Variants in BRINP2 observed in about 807,000 individuals in gnomAD.
BRINP2 encodes BMP/retinoic acid inducible neural specific 2.
A neutral mutation model predicts 69.2 loss-of-function variants in BRINP2; 21 were observed. The ratio of observed to expected loss-of-function variants is 0.30; its 90% CI spans 0.22 to 0.44. The LOEUF (loss-of-function observed/expected upper bound fraction) is 0.44. Ranked by LOEUF, BRINP2 falls within the 20% of genes least tolerant of loss-of-function variation. The probability of loss-of-function intolerance (pLI) is 1.00; values close to 1 mark genes in which losing one functional copy is unlikely to be tolerated. For missense variants in BRINP2, 877 were observed against 986.0 expected (o/e 0.89, Z 1.48); for synonymous variants, 380 against 394.1 (o/e 0.96, Z 0.42).
chr1:177,280,943 C>T lies in BRINP2; in HGVS notation c.1767C>T (p.Tyr589=), dbSNP rs758886283. ...NSTLEPVMAI[Y]VNPFGGSHSE... ...CCCTGGAGCCTGTCATGGCCATCTA[C>T]GTCAACCCCTTTGGGGGCAGCCACT... is the stretch of plus-strand genomic sequence containing the variant. The change falls in exon 8 of 8, where the codon TAC becomes TAT. Residue 589 remains tyrosine (Y), a synonymous_variant. Coordinates refer to ENST00000361539, the MANE Select transcript of BRINP2 (RefSeq NM_021165.4). The T allele has an allele frequency of 2.0e-5, 32 of 1,614,086 alleles. No individual in the cohort carries two copies. Among genetic ancestry groups the T allele is most frequent in the East Asian group, 6.7e-5 (3 of 44,894 alleles).
At chr1:177,210,108 T>C (rs74537824) in intron 1 of BRINP2, among the ~76,000 whole-genome samples, 1,716 of 152,290 alleles carry the variant, frequency 0.011, 31 homozygotes, top group African/African-American at 0.038. Flanking sequence ...TTCACTGACT[T>C]CTCCAAAGTC....
chr1:177,191,815 C>CA (rs1203847448), intron 1 of BRINP2, among the ~76,000 whole-genome samples: 1 of 152,164 alleles, frequency 6.6e-6, no homozygotes, highest in Non-Finnish European at 1.5e-5. Flanking sequence ...CGAATGTGTG[C>CA]AGAAGGGACC....
At chr1:177,193,808 G>T (rs1341267821) in intron 1 of BRINP2, among the ~76,000 whole-genome samples, 1 of 152,124 alleles carries the variant, frequency 6.6e-6, no homozygotes, top group African/African-American at 2.4e-5. Context: ...CCCATCACAT[G>T]GTGAAACTGT....
At chr1:177,223,374 A>G (rs1383008371) in intron 1 of BRINP2, among the ~76,000 whole-genome samples, 1 of 152,138 alleles carries the variant, frequency 6.6e-6, no homozygotes, top group Non-Finnish European at 1.5e-5. Context: ...TTTTAAGCTC[A>G]TTACAGGATC....
chr1:177,245,127 G>T (rs1368170781), intron 2 of BRINP2, among the ~76,000 whole-genome samples: 1 of 151,900 alleles, frequency 6.6e-6, no homozygotes, highest in East Asian at 1.9e-4. Context: ...GAAACAGAGG[G>T]TCTCACTAAT....
At chr1:177,229,767 T>C in intron 1 of BRINP2, 34 bp from the exon 2 acceptor site, 1 of 1,429,504 alleles carries the variant, frequency 7.0e-7, no homozygotes, top group Non-Finnish European at 9.4e-7. Flanking sequence ...GGTAACAGGG[T>C]GCTCAAATGA....
intron 4 of BRINP2, 34 bp from the exon 5 acceptor site, chr1:177,273,454 A>G (rs1651397156): frequency 1.4e-6 from 2 of 1,471,782 alleles, no homozygotes; most frequent in Non-Finnish European, 1.9e-6. Flanking sequence ...TCCACTTGTT[A>G]TCTAAACCCA....
At chr1:177,242,496 T>C (rs1650236074) in intron 2 of BRINP2, among the ~76,000 whole-genome samples, 1 of 152,112 alleles carries the variant, frequency 6.6e-6, no homozygotes, top group African/African-American at 2.4e-5. Context: ...ACCCATTCCC[T>C]CTACCCCAAA....
intron 1 of BRINP2, among the ~76,000 whole-genome samples, chr1:177,183,244 T>C (rs1648321840): frequency 6.7e-6 from 1 of 149,964 alleles, no homozygotes; most frequent in Admixed American, 6.7e-5. Context: ...AAAGACTTCA[T>C]GTATTTTGGA....
At chr1:177,179,876 C>T (rs986584407) in intron 1 of BRINP2, among the ~76,000 whole-genome samples, 2 of 152,074 alleles carry the variant, frequency 1.3e-5, no homozygotes, top group African/African-American at 2.4e-5. Flanking sequence ...TTTCTTGACC[C>T]GAGGGCAAGT....
At chr1:177,241,211 TC>T (rs1200326794) in intron 2 of BRINP2, among the ~76,000 whole-genome samples, 1 of 152,108 alleles carries the variant, frequency 6.6e-6, no homozygotes, top group Non-Finnish European at 1.5e-5. Context: ...GACCTCGTGA[TC>T]CCCCTGCCTC....
Position 177,229,857 on chromosome 1 carries a change from A to T in BRINP2, c.-20A>T. 1.3e-6 allele frequency: 2 copies of T among 1,559,330 alleles called. No homozygotes were observed. The highest frequency in any genetic ancestry group is 2.4e-5 in the South Asian group (2 of 82,964). ...GAGAGCGTGGCGAGAGAATGAAGAA[A>T]CCAATCGCCCGGGAGAAGCATGAGG... On this transcript the variant is annotated 5_prime_UTR_variant, in exon 2 of 8. Coordinates refer to ENST00000361539, the MANE Select transcript of BRINP2 (RefSeq NM_021165.4).
At chr1:177,180,978 G>A (rs1648229030) in intron 1 of BRINP2, among the ~76,000 whole-genome samples, 2 of 152,152 alleles carry the variant, frequency 1.3e-5, no homozygotes, top group Admixed American at 6.5e-5. Context: ...CCTGCTGTGT[G>A]CCAGGCACTA....
Position 177,281,353 on chromosome 1 carries a change from G to A in BRINP2, c.2177G>A (p.Arg726Gln), listed in dbSNP as rs780937563. 3.3e-5 allele frequency: 54 copies of A among 1,614,026 alleles called. No individual in the cohort carries two copies. The highest frequency in any genetic ancestry group is 3.1e-4 in the South Asian group (28 of 91,074). The change falls in exon 8 of 8, where the codon CGG becomes CAG. Residue 726 changes from arginine (R) to glutamine (Q), a missense_variant. This residue lies in a region of BRINP2 where 225 missense variants were observed against 218.7 expected (regional missense o/e 1.03). Transcript: ENST00000361539. ...ALLQLIELRDRVNQLSPPGKV... is the reference protein window; with the variant it reads ...ALLQLIELRDQVNQLSPPGKV... ...TTGCAGCTCATTGAGCTCAGGGACC[G>A]GGTGAACCAGCTTTCTCCACCTGGC... is the stretch of plus-strand genomic sequence containing the variant.
At position 177,276,449 on chromosome 1, in the gene BRINP2, T is replaced by A; in HGVS notation, c.1012+15T>A. On this transcript the variant is annotated intron_variant, in intron 6 of 7. Transcript: ENST00000361539. ...TGAAGAGTCAGGTGAGCAGCCAGAATTCCTCCCTGTCAATGAGAGGTGGCT... is the reference window on the plus strand; with the variant it reads ...TGAAGAGTCAGGTGAGCAGCCAGAAATCCTCCCTGTCAATGAGAGGTGGCT... The A allele has an allele frequency of 6.2e-7, 1 of 1,609,848 alleles. No individual in the cohort carries two copies. Among genetic ancestry groups the A allele is most frequent in the Non-Finnish European group, 8.5e-7 (1 of 1,176,386 alleles).
chr1:177,194,646 C>T (rs905999884), intron 1 of BRINP2, among the ~76,000 whole-genome samples: 3 of 152,026 alleles, frequency 2.0e-5, no homozygotes, highest in African/African-American at 7.2e-5. Flanking sequence ...TTCATTTTTT[C>T]CCTCTCCTGA....
chr1:177,199,114 T>A (rs1648829078), intron 1 of BRINP2, among the ~76,000 whole-genome samples: 1 of 152,212 alleles, frequency 6.6e-6, no homozygotes, highest in Admixed American at 6.5e-5. Flanking sequence ...AGGGGAAGCA[T>A]ATGTAAAGAT....
At chr1:177,181,567 G>A (rs987536990) in intron 1 of BRINP2, among the ~76,000 whole-genome samples, 1 of 152,210 alleles carries the variant, frequency 6.6e-6, no homozygotes, top group Non-Finnish European at 1.5e-5. Context: ...TGCAGAGGGA[G>A]GTCCTTGAAA....
chr1:177,196,607 A>G (rs1648754565), intron 1 of BRINP2, among the ~76,000 whole-genome samples: 1 of 151,930 alleles, frequency 6.6e-6, no homozygotes, highest in Non-Finnish European at 1.5e-5. Flanking sequence ...AACAAGAATG[A>G]AACTCCATCT....
Sources: gnomAD v4.1 joint callset for allele counts (sites outside exome capture counted in the v4.1 genomes callset) on GRCh38, gnomAD v4.1.1 for gene constraint, gnomAD v4.1.1 regional missense constraint, MANE v1.5 for transcripts, NCBI Gene and HGNC (gene_info 2026-07-23, HGNC 2026-07-21) for gene names.